The following C9orf85 variants were observed in gnomAD, a reference collection of about 807,000 sequenced individuals.
The protein encoded by C9orf85 is chromosome 9 open reading frame 85, also known as uncharacterized protein C9orf85.
C9orf85 carries 16 observed loss-of-function variants against 14.9 expected under a neutral mutation model. The observed-to-expected ratio is 1.08, with a 90% CI of 0.73 to 1.63. The LOEUF (loss-of-function observed/expected upper bound fraction) is 1.63, where lower values mean the gene tolerates loss of function less well. Ranked by LOEUF, C9orf85 falls within the 40% of genes most tolerant of loss-of-function variation. C9orf85 has a pLI of 0.00. For missense variants in C9orf85, 172 were observed against 186.1 expected (o/e 0.92, Z 0.44); for synonymous variants, 45 against 56.8 (o/e 0.79, Z 0.93).
At chr9:71,924,644 C>CT (rs1827889798) in intron 1 of C9orf85, among the ~76,000 whole-genome samples, 1 of 152,090 alleles carries the variant, frequency 6.6e-6, no homozygotes, top group Non-Finnish European at 1.5e-5. Context: ...ATTTTAAATG[C>CT]TTTGTTGTTC....
intron 1 of C9orf85, among the ~76,000 whole-genome samples, chr9:71,923,911 T>C (rs1454462586): frequency 1.3e-5 from 2 of 152,202 alleles, no homozygotes; most frequent in Non-Finnish European, 2.9e-5. Flanking sequence ...TAATGGGTTA[T>C]TACAATTCCT....
At chr9:71,968,729 G>C (rs1274954080) in intron 2 of C9orf85, among the ~76,000 whole-genome samples, 1 of 152,176 alleles carries the variant, frequency 6.6e-6, no homozygotes, top group Non-Finnish European at 1.5e-5. Flanking sequence ...ATAGAAGGGT[G>C]TGTCTCGCGG....
chr9:71,912,075 A>G (rs1827514774), intron 1 of C9orf85: 1 of 525,008 alleles, frequency 1.9e-6, no homozygotes, highest in Non-Finnish European at 3.5e-6. Context: ...CAGAGTGAAC[A>G]GGACCCTAAT....
At chr9:71,981,681 G>A (rs927785555) in intron 3 of C9orf85, among the ~76,000 whole-genome samples, 1 of 152,106 alleles carries the variant, frequency 6.6e-6, no homozygotes, top group African/African-American at 2.4e-5. Flanking sequence ...AATTATCACA[G>A]TATTCCTGAA....
downstream of C9orf85, chr9:71,986,054 A>G (rs1441455021): frequency 1.3e-5 from 2 of 152,274 alleles, no homozygotes; most frequent in Non-Finnish European, 2.9e-5. Context: ...AGCAATAAAA[A>G]GAAATAAACT....
chr9:71,932,657 G>A (rs1356816882), intron 1 of C9orf85, among the ~76,000 whole-genome samples: 1 of 152,110 alleles, frequency 6.6e-6, no homozygotes, highest in Non-Finnish European at 1.5e-5. Flanking sequence ...GGAAAGAAGA[G>A]AATCTGACTT....
chr9:71,918,881 A>G (rs1827722689), intron 1 of C9orf85, among the ~76,000 whole-genome samples: 1 of 152,192 alleles, frequency 6.6e-6, no homozygotes, highest in South Asian at 2.1e-4. Flanking sequence ...AAAGTGTACA[A>G]TAAATGTAAT....
downstream of C9orf85, among the ~76,000 whole-genome samples, chr9:71,977,381 G>A (rs1445246539): frequency 6.6e-6 from 1 of 152,172 alleles, no homozygotes; most frequent in Admixed American, 6.5e-5. Context: ...AAAAGAGAAA[G>A]ATCAGTGTAT....
chr9:71,971,618 CG>C lies in C9orf85; in HGVS notation c.323+1del. On this transcript the variant is annotated splice_donor_variant, in intron 3 of 3. Transcript: ENST00000334731. LOFTEE classifies it high-confidence loss of function. ...GGAAAGAAAGAAGACATTGTTATTC[CG>C]TGAGTGTTTCCTTTTATGTTTGAAT... is the stretch of plus-strand genomic sequence containing the variant. The C allele has an allele frequency of 1.9e-6, 3 of 1,580,386 alleles. No individual in the cohort carries two copies. The highest frequency in any genetic ancestry group is 2.6e-6 in the Non-Finnish European group (3 of 1,151,604).
chr9:71,967,900 G>A (rs1025985683), intron 2 of C9orf85, among the ~76,000 whole-genome samples: 2 of 151,850 alleles, frequency 1.3e-5, no homozygotes, highest in Non-Finnish European at 2.9e-5. Context: ...TTTAGGTTGA[G>A]AGTGTTTCCT....
chr9:71,964,532 A>G (rs1822632509), intron 2 of C9orf85, among the ~76,000 whole-genome samples: 1 of 152,048 alleles, frequency 6.6e-6, no homozygotes, highest in African/African-American at 2.4e-5. Context: ...AAGAGCTGTA[A>G]CGCTCACCGT....
At chr9:71,946,967 G>A (rs10120169) in intron 1 of C9orf85, 39 bp from the exon 2 acceptor site, 1,416,188 of 1,435,978 alleles carry the variant, frequency 0.99, 699,229 homozygotes, top group East Asian at 1. Context: ...GCTGGCTCAC[G>A]CGTGAAATTC....
At chr9:71,944,981 A>T (rs1822047008) in intron 1 of C9orf85, among the ~76,000 whole-genome samples, 1 of 152,180 alleles carries the variant, frequency 6.6e-6, no homozygotes, top group Non-Finnish European at 1.5e-5. Flanking sequence ...CAAACTCTGC[A>T]CAGCTTTGTA....
At chr9:71,970,654 T>C (rs1202614284) in intron 2 of C9orf85, among the ~76,000 whole-genome samples, 3 of 152,156 alleles carry the variant, frequency 2.0e-5, no homozygotes, top group African/African-American at 4.8e-5. Flanking sequence ...CATTTTATTG[T>C]TCCTTTTCAA....
At chr9:71,978,911 T>A (rs1442987132) in intron 3 of C9orf85, among the ~76,000 whole-genome samples, 1 of 152,152 alleles carries the variant, frequency 6.6e-6, no homozygotes, top group Non-Finnish European at 1.5e-5. Flanking sequence ...GGCGGGTGCC[T>A]GTAGTCCCAG....
At chr9:71,966,970 A>C (rs1236368388) in intron 2 of C9orf85, among the ~76,000 whole-genome samples, 1 of 152,214 alleles carries the variant, frequency 6.6e-6, no homozygotes, top group Admixed American at 6.5e-5. Context: ...CTCACAAAAG[A>C]CAGCTTTGCT....
rs1264353134 is a variant in C9orf85, at chr9:71,929,333, C to T, written c.102+17497C>T. 4.6e-5 allele frequency among the ~76,000 whole-genome samples: 7 copies of T among 152,214 alleles called. No individual in the cohort carries two copies. The South Asian group carries it at 6.2e-4, about 14-fold the overall frequency. On this transcript the variant is annotated intron_variant, in intron 1 of 3. Coordinates refer to ENST00000334731, the MANE Select transcript of C9orf85 (RefSeq NM_182505.5). Reference sequence around the variant, plus strand: ...TTAAGATCACTAACTTGGGGCATACCGTACCGGTTGGACAAGATCTCAAAT... The same window carrying T: ...TTAAGATCACTAACTTGGGGCATACTGTACCGGTTGGACAAGATCTCAAAT...
chr9:71,922,662 A>T (rs575788559), intron 1 of C9orf85, among the ~76,000 whole-genome samples: 1 of 152,336 alleles, frequency 6.6e-6, no homozygotes, highest in East Asian at 1.9e-4. Flanking sequence ...ACACCTTCTC[A>T]TTAGTACCTG....
intron 3 of C9orf85, among the ~76,000 whole-genome samples, chr9:71,978,906 G>A (rs1823050436): frequency 6.6e-6 from 1 of 152,128 alleles, no homozygotes; most frequent in Admixed American, 6.5e-5. Flanking sequence ...GTGGAGGCGG[G>A]TGCCTGTAGT....
Sources: gnomAD v4.1 joint callset for allele counts (sites outside exome capture counted in the v4.1 genomes callset) on GRCh38, gnomAD v4.1.1 for gene constraint, MANE v1.5 for transcripts, NCBI Gene and HGNC (gene_info 2026-07-23, HGNC 2026-07-21) for gene names.